The following ZHX2 variants were observed in gnomAD, a reference collection of about 807,000 sequenced individuals.
The protein encoded by ZHX2 is zinc fingers and homeoboxes protein 2.
In ZHX2, 6 loss-of-function variants were observed where a neutral mutation model predicts 21.9. The ratio of observed to expected loss-of-function variants is 0.27; its 90% CI spans 0.15 to 0.54. The LOEUF (loss-of-function observed/expected upper bound fraction) is 0.54, where lower values mean the gene tolerates loss of function less well. ZHX2 is among the 20% of genes least tolerant of loss of function. The pLI, the probability that ZHX2 is intolerant of heterozygous loss-of-function variation, is 0.95. For synonymous variants in ZHX2, 434 were observed against 437.1 expected, an observed-to-expected ratio of 0.99 and a Z score of 0.09; for missense variants, 908 against 1,090.7, an observed-to-expected ratio of 0.83 and a Z score of 2.36.
Position 122,953,208 on chromosome 8 carries a change from C to A in ZHX2, c.1698C>A (p.Thr566=). 2 of 1,613,658 alleles carry A rather than the reference C, an allele frequency of 1.2e-6. No homozygotes were observed. Among genetic ancestry groups the A allele is most frequent in the Non-Finnish European group, 1.7e-6 (2 of 1,179,954 alleles). ...QAELDRLRVE[T]KLSRREIDSW... ...AACTGGATCGGCTAAGGGTGGAGAC[C>A]AAGCTGAGCAGGAGAGAGATCGACT... The change falls in exon 3 of 4, where the codon ACC becomes ACA. Residue 566 remains threonine, a synonymous_variant. Transcript: ENST00000314393. This position sits in a 1 kb window ranked among gnomAD's most constrained non-coding sequence, Gnocchi z 4.6.
intron 2 of ZHX2, among the ~76,000 whole-genome samples, chr8:122,873,793 G>C (rs1819502762): frequency 1.3e-5 from 2 of 152,174 alleles, no homozygotes; most frequent in Admixed American, 1.3e-4. Context: ...CTCTCAGGGA[G>C]AATCCATCTT....
At chr8:122,966,337 G>A (rs985473591) in intron 3 of ZHX2, among the ~76,000 whole-genome samples, 1 of 152,100 alleles carries the variant, frequency 6.6e-6, no homozygotes, top group African/African-American at 2.4e-5. Flanking sequence ...ATTTCTTGTA[G>A]CACTGCTTTG....
In ZHX2 at chr8:122,790,280, T is replaced by C. The variant is rs192934181; in HGVS notation, c.-283+8334T>C. Among the ~76,000 whole-genome samples the C allele has an allele frequency of 1.3e-3, 199 of 152,336 alleles. 1 individual carries two copies. The highest frequency in any genetic ancestry group is 6.8e-3 in the Middle Eastern group (2 of 294). Reference sequence around the variant, plus strand: ...AAAGGTAAGATAATTGGCCCAAGGTTATACAGTCCTATGGCCATGTATTAT... The same window carrying C: ...AAAGGTAAGATAATTGGCCCAAGGTCATACAGTCCTATGGCCATGTATTAT... On this transcript the variant is annotated intron_variant, in intron 1 of 3. Coordinates refer to ENST00000314393, the MANE Select transcript of ZHX2 (RefSeq NM_014943.5).
chr8:122,781,992 G>A lies in ZHX2; in HGVS notation c.-283+46G>A, dbSNP rs12234946. On this transcript the variant is annotated intron_variant, in intron 1 of 3. Coordinates refer to ENST00000314393, the MANE Select transcript of ZHX2 (RefSeq NM_014943.5). This position sits in a 1 kb window ranked among gnomAD's most constrained non-coding sequence, Gnocchi z 4.6. The stretch of plus-strand genomic sequence containing the variant: ...GCGGAGCCCCCCAGCCGGCGCCGCC[G>A]GCCCCAAACCCCGCACGCCGGGCGC... 0.9 allele frequency: 136,417 copies of A among 152,262 alleles called. 61,222 individuals are homozygous for A. The highest frequency in any genetic ancestry group is 0.97 in the Middle Eastern group (282 of 292). 9.4% of individuals were successfully genotyped at this position (152,262 alleles called of 1,614,324 possible). A position where few individuals can be genotyped will look rare whatever the true frequency, so the allele number is the denominator to read the frequency against.
chr8:122,898,287 A>G (rs1330141260), intron 2 of ZHX2, among the ~76,000 whole-genome samples: 2 of 152,168 alleles, frequency 1.3e-5, no homozygotes, highest in Admixed American at 6.5e-5. Context: ...GGGATGAGGA[A>G]AGAGTAGAAA....
At chr8:122,919,248 AG>A (rs1563583611) in intron 2 of ZHX2, among the ~76,000 whole-genome samples, 1 of 152,192 alleles carries the variant, frequency 6.6e-6, no homozygotes, top group Non-Finnish European at 1.5e-5. Context: ...TGAGGTGTGC[AG>A]CTTAAGTTTT....
intron 1 of ZHX2, among the ~76,000 whole-genome samples, chr8:122,808,306 T>A (rs544726483): frequency 6.6e-6 from 1 of 152,240 alleles, no homozygotes; most frequent in South Asian, 2.1e-4. Context: ...GGGTAATTTA[T>A]AAAGGAAAGA....
chr8:122,881,239 C>A (rs1231598871), intron 2 of ZHX2, among the ~76,000 whole-genome samples: 1 of 152,174 alleles, frequency 6.6e-6, no homozygotes, highest in Non-Finnish European at 1.5e-5. Flanking sequence ...CTTTTAACTC[C>A]TGGAGGGAGG....
chr8:122,831,542 T>C (rs746757172), intron 1 of ZHX2, among the ~76,000 whole-genome samples: 1 of 152,190 alleles, frequency 6.6e-6, no homozygotes, highest in Non-Finnish European at 1.5e-5. Flanking sequence ...GTCCTCCTTT[T>C]CTTCTGAGGA....
Position 122,862,813 on chromosome 8 carries a change from C to T in ZHX2, c.-282-664C>T, listed in dbSNP as rs75959470. Among the ~76,000 whole-genome samples, 57 of 152,306 alleles carry T rather than the reference C, an allele frequency of 3.7e-4. No individual in the cohort carries two copies. The East Asian group carries it at 9.5e-3, about 25-fold the overall frequency. ...TGCCCTCCGCGGCAGCTCCCTGGCT[C>T]GGTGGCTGCTCCGTGCACATGTGCG... On this transcript the variant is annotated intron_variant, in intron 1 of 3. Coordinates refer to ENST00000314393, the MANE Select transcript of ZHX2 (RefSeq NM_014943.5).
chr8:122,920,453 C>T (rs1820711366), intron 2 of ZHX2, among the ~76,000 whole-genome samples: 1 of 151,954 alleles, frequency 6.6e-6, no homozygotes, highest in Non-Finnish European at 1.5e-5. Flanking sequence ...AGTTTTGACA[C>T]ACCCATGCTG....
intron 2 of ZHX2, among the ~76,000 whole-genome samples, chr8:122,878,052 T>A (rs1819611860): frequency 6.6e-6 from 1 of 150,506 alleles, no homozygotes; most frequent in Non-Finnish European, 1.5e-5. Context: ...TGGACTAATA[T>A]GAGAATGTCG....
chr8:122,953,808 G>T lies in ZHX2; in HGVS notation c.2298G>T (p.Glu766Asp), dbSNP rs1813216439. ...ACTGTTTGCCAGCAAAGCCCTCAGAGGCCACCTCAGACCGGTCAGAGGGCA... is the reference window on the plus strand; with the variant it reads ...ACTGTTTGCCAGCAAAGCCCTCAGATGCCACCTCAGACCGGTCAGAGGGCA... The part of the protein sequence containing the change: ...AKDCLPAKPS[E>D]ATSDRSEGSS... The change falls in exon 3 of 4, where the codon GAG (glutamate) becomes GAT (aspartate). Residue 766 changes from glutamate to aspartate, a missense_variant. Transcript: ENST00000314393. This position sits in a 1 kb window ranked among gnomAD's most constrained non-coding sequence, Gnocchi z 4.6. 3.1e-6 allele frequency: 5 copies of T among 1,614,140 alleles called. No homozygotes were observed. The highest frequency in any genetic ancestry group is 1.7e-5 in the Admixed American group (1 of 60,016).
At chr8:122,876,327 GGC>G (rs1819572325) in intron 2 of ZHX2, among the ~76,000 whole-genome samples, 1 of 152,004 alleles carries the variant, frequency 6.6e-6, no homozygotes, top group Non-Finnish European at 1.5e-5. Context: ...CTGCAATTCG[GGC>G]AGCACCAGAC....
chr8:122,817,968 C>T (rs902700131), intron 1 of ZHX2, among the ~76,000 whole-genome samples: 3 of 152,188 alleles, frequency 2.0e-5, no homozygotes, highest in Non-Finnish European at 2.9e-5. Flanking sequence ...CCAGATTGCT[C>T]AGCCCTCAGT....
intron 2 of ZHX2, among the ~76,000 whole-genome samples, chr8:122,866,656 G>A (rs1819305317): frequency 6.6e-6 from 1 of 152,180 alleles, no homozygotes; most frequent in Non-Finnish European, 1.5e-5. Context: ...CAGATGGCAT[G>A]AGGGGATCAA....
chr8:122,970,598 A>G (rs1392295814), intron 3 of ZHX2, among the ~76,000 whole-genome samples: 2 of 152,180 alleles, frequency 1.3e-5, no homozygotes, highest in Admixed American at 6.5e-5. Context: ...TGCTGACCCA[A>G]CGTTCTTTAG....
chr8:122,832,042 G>A (rs550241882), intron 1 of ZHX2, among the ~76,000 whole-genome samples: 2 of 152,298 alleles, frequency 1.3e-5, no homozygotes, highest in African/African-American at 4.8e-5. Context: ...AGTAAAGGAG[G>A]CATCTGGAAG....
At chr8:122,944,940 T>C (rs1812933197) in intron 2 of ZHX2, among the ~76,000 whole-genome samples, 1 of 152,140 alleles carries the variant, frequency 6.6e-6, no homozygotes, top group Non-Finnish European at 1.5e-5. Context: ...CCAATATAAC[T>C]GATGTCATTA....
Sources: gnomAD v4.1 joint callset for allele counts (sites outside exome capture counted in the v4.1 genomes callset) on GRCh38, gnomAD v4.1.1 for gene constraint, Gnocchi (gnomAD v3.1) non-coding constraint, MANE v1.5 for transcripts, NCBI Gene and HGNC (gene_info 2026-07-23, HGNC 2026-07-21) for gene names.